The following NRXN2 variants were observed in gnomAD, a reference collection of about 807,000 sequenced individuals.
The protein encoded by NRXN2 is neurexin-2-beta.
NRXN2 carries 29 observed loss-of-function variants against 128.8 expected under a neutral mutation model. The observed-to-expected ratio is 0.23, with a 90% confidence interval of 0.17 to 0.31. The LOEUF (loss-of-function observed/expected upper bound fraction) is 0.31. Among genes scored for constraint, NRXN2 ranks in the 10% least tolerant of loss-of-function variants. The probability of loss-of-function intolerance (pLI) is 1.00; values close to 1 mark genes in which losing one functional copy is unlikely to be tolerated. For missense variants in NRXN2, 1,881 were observed against 2,452.6 expected (o/e 0.77, Z 4.92); for synonymous variants, 1,098 against 1,075.2 (o/e 1.02, Z -0.41).
chr11:64,607,026 A>C lies in NRXN2; in HGVS notation c.*170T>G. The C allele has an allele frequency of 5.8e-6, 4 of 685,606 alleles. No individual in the cohort carries two copies. Among genetic ancestry groups the C allele is most frequent in the Non-Finnish European group, 7.2e-6 (3 of 419,118 alleles). The allele number at this position is 685,606 out of a possible 1,614,324, so 42.5% of individuals were successfully genotyped here. Reference sequence around the variant, plus strand: ...GGCCGCGCAGTGGACGGCAGGAGGAAGGGGGCGAGCACGGGGTTTTTCCTT... The same window carrying C: ...GGCCGCGCAGTGGACGGCAGGAGGACGGGGGCGAGCACGGGGTTTTTCCTT... On this transcript the variant is annotated 3_prime_UTR_variant, in exon 23 of 23. Coordinates refer to ENST00000265459, the MANE Select transcript of NRXN2 (RefSeq NM_015080.4).
chr11:64,656,286 A>G (rs1457878156), intron 11 of NRXN2, among the ~76,000 whole-genome samples: 1 of 152,192 alleles, frequency 6.6e-6, no homozygotes, highest in East Asian at 1.9e-4. Flanking sequence ...CCATGGCCCC[A>G]GGGATTAAAG....
intron 2 of NRXN2, among the ~76,000 whole-genome samples, chr11:64,706,199 T>A (rs2135646808): frequency 8.6e-6 from 1 of 116,414 alleles, no homozygotes; most frequent in Non-Finnish European, 1.7e-5. Flanking sequence ...TACTTTAAGT[T>A]TTAGGGTACA....
intron 2 of NRXN2, among the ~76,000 whole-genome samples, chr11:64,709,146 C>G (rs1052972603): frequency 1.4e-5 from 2 of 145,734 alleles, no homozygotes; most frequent in South Asian, 4.3e-4. Flanking sequence ...GAGCTGAGAT[C>G]GTGCCATCGC....
intron 2 of NRXN2, 62 bp from the exon 3 acceptor site, chr11:64,697,854 G>A: frequency 1.9e-6 from 3 of 1,599,328 alleles, no homozygotes; most frequent in East Asian, 2.2e-5. Context: ...AGGGCTGTTA[G>A]CAAAGGTACC....
chr11:64,667,570 T>G lies in NRXN2; in HGVS notation c.1478A>C (p.Asp493Ala). 6.2e-7 allele frequency: 1 copy of G among 1,614,182 alleles called. No homozygotes were observed. Among genetic ancestry groups the G allele is most frequent in the African/African-American group, 1.3e-5 (1 of 75,056 alleles). ...CTCGGGACTCTCAAAGGTCACAGGG[T>G]CCAGGGCAGCCACATCCTCACAGCG... ...SFRCEDVAAL[D>A]PVTFESPEAF... The change falls in exon 9 of 23, where the codon GAC (aspartate) becomes GCC (alanine). Residue 493 changes from aspartate (D) to alanine (A), a missense_variant. Asp to Ala is a moderately radical substitution (Grantham distance 126). Transcript: ENST00000265459. This position sits in a 1 kb window ranked among gnomAD's most constrained non-coding sequence, Gnocchi z 5.6.
At position 64,648,634 on chromosome 11, in the gene NRXN2, G is replaced by A. The variant is rs1591786362; in HGVS notation, c.3283+100C>T. 1.3e-5 allele frequency: 19 copies of A among 1,492,438 alleles called. No homozygotes were observed. In the East Asian group the frequency reaches 3.9e-4, roughly 30 times the overall value. 92.4% of individuals were successfully genotyped at this position (1,492,438 alleles called of 1,614,324 possible). ...GCTCCCATAAGGCCTGAGAAGGAAG[G>A]CCCCTTGGCAGAGCAAAGGCTACCT... On this transcript the variant is annotated intron_variant, in intron 16 of 22. Transcript: ENST00000265459. The surrounding 1 kb of genome is among the most constrained non-coding windows in gnomAD (Gnocchi z 4.1).
At chr11:64,653,861 G>T in intron 11 of NRXN2, 139 bp from the exon 12 acceptor site, 1 of 639,460 alleles carries the variant, frequency 1.6e-6, no homozygotes, top group Non-Finnish European at 2.8e-6. Context: ...GACCACGCGT[G>T]CCCAGGTGCC....
chr11:64,619,145 G>A (rs1345674828), intron 22 of NRXN2, among the ~76,000 whole-genome samples: 1 of 151,970 alleles, frequency 6.6e-6, no homozygotes, highest in South Asian at 2.1e-4. Context: ...CCCCAACCCC[G>A]CAAGCACCGG....
rs1231393914 is a variant in NRXN2, at chr11:64,677,034, C to T, written c.1156G>A (p.Ala386Thr). 8 of 1,604,060 alleles carry T rather than the reference C, an allele frequency of 5.0e-6. No individual in the cohort carries two copies. Among genetic ancestry groups the T allele is most frequent in the South Asian group, 1.1e-5 (1 of 90,148 alleles). Reference protein sequence around the residue: ...VRVTRNLRQHAGIGHAMVNKL... With the variant: ...VRVTRNLRQHTGIGHAMVNKL... Reference sequence around the variant, plus strand: ...TTTACCATAGCGTGTCCAATCCCTGCGTGCTTCACCGGAGATATGGGGGGA... The same window carrying T: ...TTTACCATAGCGTGTCCAATCCCTGTGTGCTTCACCGGAGATATGGGGGGA... Residue 386 changes from alanine (A) to threonine (T), a missense_variant, in exon 7 of 23, where the codon GCA becomes ACA. Ala to Thr is a moderately conservative substitution (Grantham distance 58). This residue lies in a region of NRXN2 where 997 missense variants were observed against 1,240.8 expected (regional missense o/e 0.80). Coordinates refer to ENST00000265459, the MANE Select transcript of NRXN2 (RefSeq NM_015080.4).
intron 2 of NRXN2, among the ~76,000 whole-genome samples, chr11:64,701,476 C>T (rs748842727): frequency 2.5e-4 from 38 of 152,178 alleles, no homozygotes; most frequent in Non-Finnish European, 5.0e-4. Flanking sequence ...CAATGGTTCG[C>T]GCCTATAATC....
chr11:64,627,388 A>C (rs1591591538), intron 19 of NRXN2, among the ~76,000 whole-genome samples: 17 of 128,006 alleles, frequency 1.3e-4, no homozygotes, highest in East Asian at 8.9e-4. Context: ...CCCTGCAGAC[A>C]CCCCCCGCCT....
intron 11 of NRXN2, among the ~76,000 whole-genome samples, chr11:64,657,639 T>A (rs2048454900): frequency 2.6e-5 from 4 of 152,176 alleles, no homozygotes; most frequent in Admixed American, 2.6e-4. Flanking sequence ...GGAAATGACT[T>A]ACCCAACAGT....
intron 17 of NRXN2, among the ~76,000 whole-genome samples, chr11:64,636,627 G>C (rs182416457): frequency 3.3e-5 from 5 of 152,216 alleles, no homozygotes; most frequent in Admixed American, 6.5e-5. Flanking sequence ...GGGTTCAAGG[G>C]AGGACTTAAA....
chr11:64,664,519 G>C (rs1324463639), intron 9 of NRXN2, among the ~76,000 whole-genome samples: 1 of 148,886 alleles, frequency 6.7e-6, no homozygotes, highest in East Asian at 1.9e-4. Flanking sequence ...AATTTTTTTT[G>C]CTGTTTTATT....
intron 1 of NRXN2, among the ~76,000 whole-genome samples, chr11:64,715,528 GT>G (rs2057276295): frequency 1.3e-5 from 2 of 152,202 alleles, no homozygotes; most frequent in African/African-American, 4.8e-5. Flanking sequence ...AAAAACCATA[GT>G]GAGGGGGCGT....
intron 1 of NRXN2, among the ~76,000 whole-genome samples, chr11:64,715,324 G>A (rs2057265790): frequency 6.6e-6 from 1 of 152,160 alleles, no homozygotes; most frequent in Non-Finnish European, 1.5e-5. Context: ...CCAGTCAGCG[G>A]GGAACTGAGA....
intron 6 of NRXN2, among the ~76,000 whole-genome samples, chr11:64,679,437 A>C (rs2051853324): frequency 6.6e-6 from 1 of 152,110 alleles, no homozygotes; most frequent in African/African-American, 2.4e-5. Context: ...GGAGATTGAG[A>C]CCATCCTGGC....
At chr11:64,699,357 C>A (rs1312565376) in intron 2 of NRXN2, among the ~76,000 whole-genome samples, 1 of 151,898 alleles carries the variant, frequency 6.6e-6, no homozygotes, top group Non-Finnish European at 1.5e-5. Flanking sequence ...CAAACACACT[C>A]CTCTACAACA....
rs768865082 is a variant in NRXN2 at position 64,690,448 on chromosome 11, C to T, written c.807G>A (p.Gly269=). The T allele has an allele frequency of 1.9e-5, 30 of 1,613,488 alleles. No individual in the cohort carries two copies. The highest frequency in any genetic ancestry group is 6.7e-5 in the African/African-American group (5 of 74,864). ...CATCGCCGGCTCCTCCTCTCCCGGC[C>T]CCCCCCTCGGAGAACAGTAAGGACC... is the stretch of plus-strand genomic sequence containing the variant. The part of the protein sequence containing the change: ...EVGSLLFSEG[G]AGRGGAGDVH... Residue 269 remains glycine, a synonymous_variant, in exon 5 of 23, where the codon GGG becomes GGA. Transcript: ENST00000265459.
Sources: allele counts gnomAD v4.1 joint callset (sites outside exome capture counted in the v4.1 genomes callset), GRCh38; gene constraint gnomAD v4.1.1; regional missense constraint gnomAD v4.1.1; non-coding constraint Gnocchi (gnomAD v3.1); transcripts MANE v1.5; gene names NCBI Gene and HGNC (gene_info 2026-07-23, HGNC 2026-07-21).